The following NDST4 variants were observed in gnomAD, a reference collection of about 807,000 sequenced individuals.
The protein encoded by NDST4 is N-deacetylase and N-sulfotransferase 4.
A neutral mutation model predicts 100.8 loss-of-function variants in NDST4; 63 were observed. The ratio of observed to expected loss-of-function variants is 0.62; its 90% confidence interval spans 0.51 to 0.77. The LOEUF is 0.77. Among genes scored for constraint, NDST4 ranks in the 30% least tolerant of loss-of-function variants. NDST4 has a pLI of 0.00. For missense variants in NDST4, 943 were observed against 1,018.4 expected (o/e 0.93, Z 1.01); for synonymous variants, 377 against 361.8 (o/e 1.04, Z -0.48).
At chr4:115,039,701 G>T (rs1047289752) in intron 2 of NDST4, among the ~76,000 whole-genome samples, 5 of 151,968 alleles carry the variant, frequency 3.3e-5, no homozygotes, top group African/African-American at 1.2e-4. Flanking sequence ...CCAGCTTATT[G>T]TTAAGGAAAA....
intron 6 of NDST4, among the ~76,000 whole-genome samples, chr4:114,871,268 AAT>A (rs1263666514): frequency 6.6e-6 from 1 of 152,184 alleles, no homozygotes; most frequent in East Asian, 1.9e-4. Flanking sequence ...GTGAAGAACC[AAT>A]ATTAGACCAG....
In NDST4 at chr4:114,977,246, C is replaced by A; in HGVS notation, c.1007G>T (p.Arg336Leu). 1 of 1,608,632 alleles carries A rather than the reference C, an allele frequency of 6.2e-7. No homozygotes were observed. Among genetic ancestry groups the A allele is most frequent in the Non-Finnish European group, 8.5e-7 (1 of 1,176,674 alleles). Reference sequence around the variant, plus strand: ...GAAGGTAAAATTTGCAACCTGAGTGCGCAGTAAATTTTGAGTCTCTAGTAA... The same window carrying A: ...GAAGGTAAAATTTGCAACCTGAGTGAGCAGTAAATTTTGAGTCTCTAGTAA... ...KALLETQNLL[R>L]TQVANFTFNL... The change falls in exon 3 of 14, where the codon CGC (arginine) becomes CTC (leucine). Residue 336 changes from arginine (R) to leucine (L), a missense_variant. Around this residue, in one of 2 missense-constraint regions of NDST4, gnomAD observed 526 missense variants for 634.1 expected, o/e 0.83. Coordinates refer to ENST00000264363, the MANE Select transcript of NDST4 (RefSeq NM_022569.3).
intron 6 of NDST4, among the ~76,000 whole-genome samples, chr4:114,872,477 G>T (rs973284174): frequency 6.6e-6 from 1 of 151,926 alleles, no homozygotes; most frequent in African/African-American, 2.4e-5. Flanking sequence ...TTGTGGAAAA[G>T]ATAGTCTCTA....
intron 6 of NDST4, among the ~76,000 whole-genome samples, chr4:114,894,284 A>G (rs1210437829): frequency 1.3e-5 from 2 of 152,112 alleles, no homozygotes; most frequent in African/African-American, 4.8e-5. Context: ...AACAATGTCA[A>G]TGGTAGTTTG....
intron 2 of NDST4, among the ~76,000 whole-genome samples, chr4:115,021,457 A>C (rs1727819375): frequency 6.6e-6 from 1 of 151,252 alleles, no homozygotes; most frequent in African/African-American, 2.4e-5. Flanking sequence ...TACACATTCC[A>C]TATGTACACA....
chr4:114,967,053 C>T (rs1560834892), intron 4 of NDST4, among the ~76,000 whole-genome samples: 2 of 152,076 alleles, frequency 1.3e-5, no homozygotes, highest in East Asian at 3.9e-4. Context: ...CTATCCTATC[C>T]TATCTTGATA....
rs776526292 is a variant in NDST4, at chr4:114,870,844, A to G, written c.1643T>C (p.Leu548Ser). The change falls in exon 7 of 14, where the codon TTG (leucine) becomes TCG (serine). Residue 548 changes from leucine (L) to serine (S), a missense_variant. This residue lies in a region of NDST4 where 526 missense variants were observed against 634.1 expected (regional missense o/e 0.83). Coordinates refer to ENST00000264363, the MANE Select transcript of NDST4 (RefSeq NM_022569.3). ...CAGTTGCACTGGAGGCAGAGTTTGC[A>G]ATTTCAGGTTGGTCCAGCTCTGCAC... ...NFVQSWTNLKLQTLPPVQLAH... is the reference protein window; with the variant it reads ...NFVQSWTNLKSQTLPPVQLAH... 6.2e-7 allele frequency: 1 copy of G among 1,613,132 alleles called. No individual in the cohort carries two copies. Among genetic ancestry groups the G allele is most frequent in the South Asian group, 1.1e-5 (1 of 91,042 alleles).
intron 5 of NDST4, 22 bp from the exon 6 acceptor site, chr4:114,935,356 CA>C (rs753531299): frequency 1.3e-6 from 2 of 1,539,980 alleles, no homozygotes; most frequent in Non-Finnish European, 1.7e-6. Context: ...AGGGGAAAAA[CA>C]GCACATGGAC....
In NDST4 at chr4:114,843,785, C is replaced by T. The variant is rs72893321; in HGVS notation, c.2115+2038G>A. On this transcript the variant is annotated intron_variant, in intron 10 of 13. Transcript: ENST00000264363. ...TCTTGTCTTTCTTGGCGCCTCATCC[C>T]GCTCTGCACTTTTCATCTCTAAACT... Among the ~76,000 whole-genome samples the T allele has an allele frequency of 4.0e-3, 606 of 152,166 alleles. 6 individuals carry two copies. The highest frequency in any genetic ancestry group is 0.014 in the African/African-American group (579 of 41,506).
At chr4:115,058,376 C>A (rs1008517571) in intron 2 of NDST4, among the ~76,000 whole-genome samples, 2 of 152,144 alleles carry the variant, frequency 1.3e-5, no homozygotes, top group African/African-American at 4.8e-5. Context: ...TGCAGCAGAT[C>A]TGACAATTTT....
chr4:114,844,226 C>T (rs28640895), intron 10 of NDST4, among the ~76,000 whole-genome samples: 2,597 of 152,264 alleles, frequency 0.017, 76 homozygotes, highest in African/African-American at 0.059. Flanking sequence ...GTGATTTCTC[C>T]AAAGAGTCAT....
intron 6 of NDST4, among the ~76,000 whole-genome samples, chr4:114,896,068 A>G (rs1323945549): frequency 6.6e-6 from 1 of 152,188 alleles, no homozygotes; most frequent in Non-Finnish European, 1.5e-5. Flanking sequence ...ATTAAGTAAT[A>G]TCAAAATTCT....
intron 2 of NDST4, among the ~76,000 whole-genome samples, chr4:114,986,793 C>CATACATACATATATATATATATAT (rs1553959380): frequency 1.1e-5 from 1 of 91,148 alleles, no homozygotes; most frequent in African/African-American, 4.5e-5. Context: ...TCCAATTATA[C>CATACATACATATATATATATATAT]ATATATATAT....
chr4:114,869,734 T>G (rs1335781733), intron 7 of NDST4, among the ~76,000 whole-genome samples: 1 of 152,088 alleles, frequency 6.6e-6, no homozygotes, highest in East Asian at 1.9e-4. Flanking sequence ...ATTTTTGAAA[T>G]GTATGTTAGT....
intron 11 of NDST4, among the ~76,000 whole-genome samples, chr4:114,837,402 C>T (rs781401060): frequency 3.9e-5 from 6 of 152,060 alleles, no homozygotes; most frequent in African/African-American, 7.2e-5. Flanking sequence ...AAGCTGGAGG[C>T]GTCATGCTAC....
intron 2 of NDST4, among the ~76,000 whole-genome samples, chr4:115,034,775 A>G (rs1013956479): frequency 6.6e-6 from 1 of 152,068 alleles, no homozygotes; most frequent in African/African-American, 2.4e-5. Flanking sequence ...CTCCAACCTG[A>G]TTACTGACCA....
chr4:115,062,390 G>T (rs1281306033), intron 2 of NDST4, among the ~76,000 whole-genome samples: 2 of 151,802 alleles, frequency 1.3e-5, no homozygotes, highest in Admixed American at 6.6e-5. Flanking sequence ...CATTTTAGAA[G>T]ATCTTTAAAT....
At chr4:114,843,453 C>T (rs1268551426) in intron 10 of NDST4, among the ~76,000 whole-genome samples, 1 of 152,218 alleles carries the variant, frequency 6.6e-6, no homozygotes, top group Non-Finnish European at 1.5e-5. Flanking sequence ...TCTACTTCTA[C>T]TTCTATGTAA....
chr4:114,854,372 C>A (rs1723744868), intron 7 of NDST4, among the ~76,000 whole-genome samples: 1 of 152,162 alleles, frequency 6.6e-6, no homozygotes, highest in Admixed American at 6.5e-5. Flanking sequence ...TCATTCATTT[C>A]TCTGTTGATG....
Sources: gnomAD v4.1 joint callset for allele counts (sites outside exome capture counted in the v4.1 genomes callset) on GRCh38, gnomAD v4.1.1 for gene constraint, gnomAD v4.1.1 regional missense constraint, MANE v1.5 for transcripts, NCBI Gene and HGNC (gene_info 2026-07-23, HGNC 2026-07-21) for gene names.